Variants in CAMSAP1 observed in about 807,000 individuals in gnomAD.
The protein encoded by CAMSAP1 is calmodulin-regulated spectrin-associated protein 1.
A neutral mutation model predicts 143.5 loss-of-function variants in CAMSAP1; 58 were observed. The observed-to-expected ratio is 0.40, with a 90% CI of 0.33 to 0.50. The LOEUF (loss-of-function observed/expected upper bound fraction) is 0.50, where lower values mean the gene tolerates loss of function less well. CAMSAP1 is among the 20% of genes least tolerant of loss of function. The pLI is 0.45. For missense variants in CAMSAP1, 1,969 were observed against 2,115.7 expected, an observed-to-expected ratio of 0.93 and a Z score of 1.36; for synonymous variants, 945 against 859.3, an observed-to-expected ratio of 1.10 and a Z score of -1.74.
At chr9:135,814,583 C>T (rs1011416060) in intron 16 of CAMSAP1, among the ~76,000 whole-genome samples, 8 of 152,206 alleles carry the variant, frequency 5.3e-5, no homozygotes, top group South Asian at 2.1e-4. Flanking sequence ...GGAGTCCACA[C>T]GCTCAGCGGG....
chr9:135,814,257 A>C (rs779682418), intron 16 of CAMSAP1, among the ~76,000 whole-genome samples: 3 of 152,234 alleles, frequency 2.0e-5, no homozygotes, highest in South Asian at 4.1e-4. Flanking sequence ...AGTGGGTCAG[A>C]AATTCCGTAT....
Position 135,824,135 on chromosome 9 carries a change from G to C in CAMSAP1, c.1316-101C>G. Reference sequence around the variant, plus strand: ...GTCCAGAAAAATGCCTCTCAAGTCAGTACACCAGAAGGGCCGCATGGAAAG... The same window carrying C: ...GTCCAGAAAAATGCCTCTCAAGTCACTACACCAGAAGGGCCGCATGGAAAG... On this transcript the variant is annotated intron_variant, in intron 9 of 16. Transcript: ENST00000389532. This position sits in a 1 kb window ranked among gnomAD's most constrained non-coding sequence, Gnocchi z 4.1. The C allele has an allele frequency of 9.9e-7, 1 of 1,012,442 alleles. No homozygotes were observed. The highest frequency in any genetic ancestry group is 2.4e-4 in the Middle Eastern group (1 of 4,208). 62.7% of individuals were successfully genotyped at this position (1,012,442 alleles called of 1,614,324 possible). A position where few individuals can be genotyped will look rare whatever the true frequency, so the allele number is the denominator to read the frequency against.
At chr9:135,879,246 G>C (rs765430519) in intron 3 of CAMSAP1, among the ~76,000 whole-genome samples, 1 of 152,106 alleles carries the variant, frequency 6.6e-6, no homozygotes, top group Non-Finnish European at 1.5e-5. Flanking sequence ...GAATAGCATG[G>C]AAGGAAAATG....
intron 3 of CAMSAP1, among the ~76,000 whole-genome samples, chr9:135,878,948 C>G (rs1255433205): frequency 2.0e-5 from 3 of 152,090 alleles, no homozygotes; most frequent in Non-Finnish European, 4.4e-5. Context: ...GTCATGAAAA[C>G]TAAACCAAGT....
At chr9:135,875,737 A>G (rs1040953505) in intron 3 of CAMSAP1, among the ~76,000 whole-genome samples, 4 of 152,216 alleles carry the variant, frequency 2.6e-5, no homozygotes, top group African/African-American at 7.2e-5. Flanking sequence ...CTATATGAAG[A>G]AAAAAATGAA....
At chr9:135,819,246 G>T in intron 11 of CAMSAP1, 100 bp from the exon 12 acceptor site, 1 of 1,407,776 alleles carries the variant, frequency 7.1e-7, no homozygotes, top group Non-Finnish European at 9.4e-7. Context: ...GCTTTTAAAA[G>T]TTTAACGCAT....
At position 135,882,968 on chromosome 9, in the gene CAMSAP1, C is replaced by T. The variant is rs1442694083; in HGVS notation, c.271G>A (p.Val91Ile). 1.9e-6 allele frequency: 3 copies of T among 1,551,748 alleles called. No individual in the cohort carries two copies. Among genetic ancestry groups the T allele is most frequent in the Non-Finnish European group, 2.6e-6 (3 of 1,147,008 alleles). ...LLLSSELYCRVCSLILKGDQV... is the reference protein window; with the variant it reads ...LLLSSELYCRICSLILKGDQV... ...TCCCCTTTCAGGATGAGGCTGCAGA[C>T]ACGGCAGTACAGCTCGCTGGACAGG... Residue 91 changes from valine (V) to isoleucine (I), a missense_variant, in exon 2 of 17, where the codon GTC (valine) becomes ATC (isoleucine). Coordinates refer to ENST00000389532, the MANE Select transcript of CAMSAP1 (RefSeq NM_015447.4). This position sits in a 1 kb window ranked among gnomAD's most constrained non-coding sequence, Gnocchi z 4.9.
At chr9:135,883,146 C>T in intron 1 of CAMSAP1, 68 bp from the exon 2 acceptor site, 3 of 1,513,386 alleles carry the variant, frequency 2.0e-6, no homozygotes, top group South Asian at 1.3e-5. Context: ...TTCAAGGCTG[C>T]AGTGAACTAT....
At chr9:135,861,642 T>C (rs1450745630) in intron 5 of CAMSAP1, among the ~76,000 whole-genome samples, 1 of 152,212 alleles carries the variant, frequency 6.6e-6, no homozygotes, top group Non-Finnish European at 1.5e-5. Flanking sequence ...TGAAACTATT[T>C]TATCTAAGAA....
At chr9:135,863,043 T>C (rs1274796433) in intron 4 of CAMSAP1, among the ~76,000 whole-genome samples, 3 of 152,206 alleles carry the variant, frequency 2.0e-5, no homozygotes, top group African/African-American at 7.2e-5. Flanking sequence ...TTCTGAGTAA[T>C]ATCACTAGCC....
chr9:135,869,989 A>G (rs1394229507), intron 3 of CAMSAP1, among the ~76,000 whole-genome samples: 1 of 152,204 alleles, frequency 6.6e-6, no homozygotes, highest in Non-Finnish European at 1.5e-5. Context: ...ACCCATGGAT[A>G]CAGAGTAGAC....
At position 135,881,786 on chromosome 9, in the gene CAMSAP1, G is replaced by C; in HGVS notation, c.432C>G (p.His144Gln). 6.4e-7 allele frequency: 1 copy of C among 1,552,052 alleles called. No individual in the cohort carries two copies. The change falls in exon 3 of 17, where the codon CAC (histidine) becomes CAG (glutamine). Residue 144 changes from histidine (H) to glutamine (Q), a missense_variant. Physicochemically the swap from His to Gln is conservative, Grantham distance 24. Coordinates refer to ENST00000389532, the MANE Select transcript of CAMSAP1 (RefSeq NM_015447.4). ...TCATCAGGGCATCCACCATTGCCAT[G>C]TGGGCACTCTAGGGGCAGAGGCAGC... ...LSRAPIKMSA[H>Q]MAMVDALMMA...
intron 5 of CAMSAP1, among the ~76,000 whole-genome samples, chr9:135,855,807 C>G (rs1453433027): frequency 6.8e-6 from 1 of 148,132 alleles, no homozygotes; most frequent in Middle Eastern, 3.4e-3. Context: ...AATCCCAGCA[C>G]TTTGGGAGGC....
chr9:135,860,052 A>AT (rs958812213), intron 5 of CAMSAP1, among the ~76,000 whole-genome samples: 18 of 151,126 alleles, frequency 1.2e-4, no homozygotes, highest in South Asian at 4.2e-4. Flanking sequence ...AAAAAAAAAA[A>AT]AAATAAAAAA....
At chr9:135,816,036 G>A in intron 14 of CAMSAP1, 31 bp from the exon 15 acceptor site, 1 of 1,601,926 alleles carries the variant, frequency 6.2e-7, no homozygotes, top group Non-Finnish European at 8.5e-7. Flanking sequence ...GAGACAGGCA[G>A]GTGAAGCGCT....
chr9:135,817,949 G>GT, intron 14 of CAMSAP1, 28 bp downstream of exon 14: 1 of 1,604,174 alleles, frequency 6.2e-7, no homozygotes, highest in Non-Finnish European at 8.5e-7. Context: ...CTCCAGCCCC[G>GT]TGCCGGCGGC....
At chr9:135,899,414 T>C (rs1838552999) in intron 1 of CAMSAP1, among the ~76,000 whole-genome samples, 1 of 144,770 alleles carries the variant, frequency 6.9e-6, no homozygotes. Context: ...AACTTGTCTC[T>C]ATTAAAAAAA....
chr9:135,819,318 G>A (rs1016218640), intron 11 of CAMSAP1, among the ~76,000 whole-genome samples, 172 bp from the exon 12 acceptor site: 7 of 152,190 alleles, frequency 4.6e-5, no homozygotes, highest in Non-Finnish European at 8.8e-5. Context: ...AGACAAACCA[G>A]GGCATTTCAA....
chr9:135,877,716 G>A (rs566571727), intron 3 of CAMSAP1, among the ~76,000 whole-genome samples: 5 of 152,180 alleles, frequency 3.3e-5, no homozygotes, highest in Admixed American at 6.5e-5. Flanking sequence ...GGAGGCTGGG[G>A]AGGGATAATT....
Sources: gnomAD v4.1 joint callset for allele counts (sites outside exome capture counted in the v4.1 genomes callset) on GRCh38, gnomAD v4.1.1 for gene constraint, Gnocchi (gnomAD v3.1) non-coding constraint, MANE v1.5 for transcripts, NCBI Gene and HGNC (gene_info 2026-07-23, HGNC 2026-07-21) for gene names.